The following VPS26B variants were observed in gnomAD, a reference collection of about 807,000 sequenced individuals.
The protein encoded by VPS26B is vacuolar protein sorting-associated protein 26B.
In VPS26B, 10 loss-of-function variants were observed where a neutral mutation model predicts 33.3. The ratio of observed to expected loss-of-function variants is 0.30; its 90% CI spans 0.19 to 0.51. The LOEUF (loss-of-function observed/expected upper bound fraction) is 0.51. Among genes scored for constraint, VPS26B ranks in the 20% least tolerant of loss-of-function variants. The probability of loss-of-function intolerance (pLI) is 0.98; values close to 1 mark genes in which losing one functional copy is unlikely to be tolerated. For synonymous variants in VPS26B, 190 were observed against 176.9 expected (o/e 1.07, Z -0.59); for missense variants, 317 against 452.7 (o/e 0.70, Z 2.72).
rs1348963574 is a variant in VPS26B, at chr11:134,241,870, A to G, written c.546-1249A>G. On this transcript the variant is annotated intron_variant, in intron 3 of 5. Transcript: ENST00000281187. ...CGGTCAGCAGATACTAACATTTTGT[A>G]TCTCGGCTTCTCATCTGTAAAACGA... Among the ~76,000 whole-genome samples, 3 of 152,232 alleles carry G rather than the reference A, an allele frequency of 2.0e-5. No individual in the cohort carries two copies. In the East Asian group the frequency reaches 5.8e-4, roughly 29 times the overall value.
Position 134,244,870 on chromosome 11 carries a change from G to A in VPS26B, c.722-68G>A. Reference sequence around the variant, plus strand: ...TCCAGTGGCATCTCTGCAGTGGTCAGAGTGACCTGGTATAAGGGAGAGGGC... The same window carrying A: ...TCCAGTGGCATCTCTGCAGTGGTCAAAGTGACCTGGTATAAGGGAGAGGGC... On this transcript the variant is annotated intron_variant, in intron 4 of 5. Transcript: ENST00000281187. This position sits in a 1 kb window ranked among gnomAD's most constrained non-coding sequence, Gnocchi z 4.0. 6.4e-7 allele frequency: 1 copy of A among 1,564,672 alleles called. No individual in the cohort carries two copies. Among genetic ancestry groups the A allele is most frequent in the Non-Finnish European group, 8.6e-7 (1 of 1,160,500 alleles).
intron 3 of VPS26B, among the ~76,000 whole-genome samples, chr11:134,241,912 C>T (rs1290793113): frequency 1.3e-5 from 2 of 152,242 alleles, no homozygotes; most frequent in African/African-American, 4.8e-5. Flanking sequence ...TGGACCAGAT[C>T]AGTGGGTTTC....
chr11:134,229,561 A>G (rs1323062503), intron 1 of VPS26B, among the ~76,000 whole-genome samples: 1 of 152,118 alleles, frequency 6.6e-6, no homozygotes, highest in East Asian at 1.9e-4. Flanking sequence ...TTAGCCTCAG[A>G]AATCTAGAAG....
chr11:134,237,208 A>G (rs1174418134), intron 2 of VPS26B, among the ~76,000 whole-genome samples: 1 of 152,350 alleles, frequency 6.6e-6, no homozygotes, highest in African/African-American at 2.4e-5. Flanking sequence ...ATTGGAGTCC[A>G]TATGTAGCAT....
chr11:134,234,044 C>G (rs1289704936), intron 1 of VPS26B, among the ~76,000 whole-genome samples: 1 of 152,092 alleles, frequency 6.6e-6, no homozygotes, highest in East Asian at 1.9e-4. Flanking sequence ...GTTCTCAGGC[C>G]CCATCCCAGA....
At chr11:134,242,105 A>G (rs1417704352) in intron 3 of VPS26B, among the ~76,000 whole-genome samples, 1 of 152,204 alleles carries the variant, frequency 6.6e-6, no homozygotes, top group African/African-American at 2.4e-5. Context: ...GGAATGTGTG[A>G]TTTGTAGGAG....
chr11:134,225,554 G>A (rs1246028694), intron 1 of VPS26B: 1 of 593,000 alleles, frequency 1.7e-6, no homozygotes, highest in Non-Finnish European at 3.0e-6. Flanking sequence ...CTGCCAGGGA[G>A]ATGGGGACGG....
Position 134,245,542 on chromosome 11 carries a change from T to A in VPS26B, c.963T>A (p.Gly321=). The change falls in exon 6 of 6, where the codon GGT becomes GGA. Residue 321 remains glycine, a synonymous_variant. Transcript: ENST00000281187. This position sits in a 1 kb window ranked among gnomAD's most constrained non-coding sequence, Gnocchi z 4.7. ...GCTTTGAGGGCACCACCTCCCTGGG[T>A]GAGGTGCGGACCCCCAGCCAGCTGT... ...SQRFEGTTSL[G]EVRTPSQLSD... is the part of the protein sequence containing the mutation. 1.2e-6 allele frequency: 2 copies of A among 1,613,370 alleles called. No individual in the cohort carries two copies. Among genetic ancestry groups the A allele is most frequent in the Non-Finnish European group, 1.7e-6 (2 of 1,179,954 alleles).
chr11:134,238,433 G>C (rs1397125193), intron 2 of VPS26B, among the ~76,000 whole-genome samples: 1 of 152,196 alleles, frequency 6.6e-6, no homozygotes, highest in Non-Finnish European at 1.5e-5. Flanking sequence ...TTGGGAGGCT[G>C]AGCAGTTAGA....
In VPS26B at chr11:134,241,097, C is replaced by T. The variant is rs544680252; in HGVS notation, c.545+942C>T. On this transcript the variant is annotated intron_variant, in intron 3 of 5. Coordinates refer to ENST00000281187, the MANE Select transcript of VPS26B (RefSeq NM_052875.5). Reference sequence around the variant, plus strand: ...ACTTTCTGACAGGGTATTTCAAAAGCATCTTTCTTTTGAATATGATATTCC... The same window carrying T: ...ACTTTCTGACAGGGTATTTCAAAAGTATCTTTCTTTTGAATATGATATTCC... Among the ~76,000 whole-genome samples the T allele has an allele frequency of 8.5e-5, 13 of 152,268 alleles. 1 individual carries two copies. The South Asian group carries it at 2.7e-3, about 32-fold the overall frequency.
intron 1 of VPS26B, 29 bp from the exon 2 acceptor site, chr11:134,234,868 G>A (rs1315126160): frequency 1.9e-6 from 3 of 1,607,800 alleles, no homozygotes; most frequent in African/African-American, 2.7e-5. Context: ...TCTGATAAAG[G>A]AGGGCGTCGC....
Position 134,225,080 on chromosome 11 carries a change from G to A in VPS26B, c.-43G>A, listed in dbSNP as rs374798141. ...CCTAGGGCAGCCCGCGCCCCGGTGC[G>A]AGGGAGCGGTCCTTACCGAGACCCG... On this transcript the variant is annotated 5_prime_UTR_variant, in exon 1 of 6. Transcript: ENST00000281187. The A allele has an allele frequency of 4.5e-5, 70 of 1,542,040 alleles. No homozygotes were observed. The African/African-American group carries it at 6.6e-4, about 14-fold the overall frequency.
Position 134,245,741 on chromosome 11 carries a change from T to C in VPS26B, c.*151T>C, listed in dbSNP as rs1938804845. 2.7e-6 allele frequency: 3 copies of C among 1,130,654 alleles called. No homozygotes were observed. Among genetic ancestry groups the C allele is most frequent in the Non-Finnish European group, 3.7e-6 (3 of 820,614 alleles). 70.0% of individuals were successfully genotyped at this position (1,130,654 alleles called of 1,614,324 possible). On this transcript the variant is annotated 3_prime_UTR_variant, in exon 6 of 6. Coordinates refer to ENST00000281187, the MANE Select transcript of VPS26B (RefSeq NM_052875.5). This position sits in a 1 kb window ranked among gnomAD's most constrained non-coding sequence, Gnocchi z 4.7. ...CATGTTTTTGACTTAAATTCTTTTC[T>C]CTGGAGAACCCAAGGGGCTTGGGGT...
intron 2 of VPS26B, among the ~76,000 whole-genome samples, chr11:134,239,433 T>C (rs901290601): frequency 6.6e-6 from 1 of 152,256 alleles, no homozygotes; most frequent in African/African-American, 2.4e-5. Context: ...AGTAAATGTT[T>C]GTGGAATGAA....
intron 1 of VPS26B, 30 bp downstream of exon 1, chr11:134,225,375 A>G: frequency 1.9e-6 from 3 of 1,608,684 alleles, no homozygotes; most frequent in Non-Finnish European, 2.5e-6. Context: ...CCCCTCCCCC[A>G]GCGCCGACAG....
At chr11:134,238,199 T>C (rs1402670271) in intron 2 of VPS26B, among the ~76,000 whole-genome samples, 3 of 152,158 alleles carry the variant, frequency 2.0e-5, no homozygotes, top group East Asian at 1.9e-4. Flanking sequence ...GGTGATTTCA[T>C]TGTGCATCCA....
chr11:134,241,727 GA>G (rs1938728197), intron 3 of VPS26B, among the ~76,000 whole-genome samples: 2 of 152,362 alleles, frequency 1.3e-5, no homozygotes, highest in African/African-American at 4.8e-5. Flanking sequence ...GCAGGGACGG[GA>G]CACTTTCAGA....
intron 3 of VPS26B, among the ~76,000 whole-genome samples, chr11:134,241,917 G>T (rs770518674): frequency 1.6e-4 from 25 of 152,228 alleles, no homozygotes; most frequent in Admixed American, 3.9e-4. Context: ...CAGATCAGTG[G>T]GTTTCAAACA....
intron 1 of VPS26B, among the ~76,000 whole-genome samples, chr11:134,233,260 C>T (rs1019710698): frequency 6.6e-6 from 1 of 152,204 alleles, no homozygotes; most frequent in Non-Finnish European, 1.5e-5. Flanking sequence ...CTCGCCTCTT[C>T]CTCCCCAAGC....
Sources: allele counts gnomAD v4.1 joint callset (sites outside exome capture counted in the v4.1 genomes callset), GRCh38; gene constraint gnomAD v4.1.1; non-coding constraint Gnocchi (gnomAD v3.1); transcripts MANE v1.5; gene names NCBI Gene and HGNC (gene_info 2026-07-23, HGNC 2026-07-21).